Variants in CSMD3 observed in about 807,000 individuals in gnomAD.
CSMD3 encodes CUB and Sushi multiple domains 3, also known as CUB and sushi domain-containing protein 3.
Under a neutral mutation model 435.2 loss-of-function variants are expected in CSMD3, and 177 were observed. The observed-to-expected ratio is 0.41, with a 90% CI of 0.36 to 0.46. The LOEUF (loss-of-function observed/expected upper bound fraction) is 0.46, where lower values mean the gene tolerates loss of function less well. CSMD3 is among the 20% of genes least tolerant of loss of function. The pLI is 0.34. For missense variants in CSMD3, 4,265 were observed against 4,504.6 expected (o/e 0.95, Z 1.52); for synonymous variants, 1,656 against 1,520.5 (o/e 1.09, Z -2.07).
At chr8:112,948,774 A>G (rs1050231477) in intron 8 of CSMD3, among the ~76,000 whole-genome samples, 1 of 151,966 alleles carries the variant, frequency 6.6e-6, no homozygotes, top group Non-Finnish European at 1.5e-5. Flanking sequence ...AAACCATCCA[A>G]TGCTTGTTGT....
chr8:112,909,632 T>C (rs554964999), intron 10 of CSMD3, among the ~76,000 whole-genome samples: 1 of 151,804 alleles, frequency 6.6e-6, no homozygotes, highest in Non-Finnish European at 1.5e-5. Context: ...GCTGCAAACC[T>C]ACATTTGTCG....
intron 13 of CSMD3, among the ~76,000 whole-genome samples, chr8:112,737,385 T>A (rs762244198): frequency 2.6e-5 from 4 of 151,956 alleles, no homozygotes; most frequent in Admixed American, 6.6e-5. Flanking sequence ...TTTGTTAAAA[T>A]CACTAAGACT....
intron 39 of CSMD3, among the ~76,000 whole-genome samples, chr8:112,351,563 T>A: frequency 6.6e-6 from 1 of 152,002 alleles, no homozygotes; most frequent in East Asian, 1.9e-4. Context: ...GAAAGGGCAG[T>A]ATACATGGTG....
chr8:112,333,110 G>A (rs565446420), intron 45 of CSMD3, among the ~76,000 whole-genome samples: 45 of 152,100 alleles, frequency 3.0e-4, no homozygotes, highest in Non-Finnish European at 5.7e-4. Context: ...CTTGTCCAAG[G>A]TCAAATAGAA....
rs187398194 is a variant in CSMD3, at chr8:112,659,178, C to T, written c.2817-2837G>A. On this transcript the variant is annotated intron_variant, in intron 17 of 70. Transcript: ENST00000297405. ...GTGATATAAAGAACATTGTTCAGTA[C>T]CAGTGAATCTTTAAAAAGAAAATCA... Among the ~76,000 whole-genome samples the T allele has an allele frequency of 3.3e-5, 5 of 151,728 alleles. No homozygotes were observed. In the East Asian group the frequency reaches 9.7e-4, roughly 29 times the overall value.
At chr8:112,487,719 C>G (rs533746774) in intron 31 of CSMD3, among the ~76,000 whole-genome samples, 1 of 152,142 alleles carries the variant, frequency 6.6e-6, no homozygotes, top group Non-Finnish European at 1.5e-5. Flanking sequence ...TAAGGTTAGA[C>G]CTGCGCCATT....
intron 13 of CSMD3, among the ~76,000 whole-genome samples, chr8:112,788,318 T>C (rs1452029621): frequency 6.6e-6 from 1 of 152,062 alleles, no homozygotes; most frequent in African/African-American, 2.4e-5. Flanking sequence ...TGTTCTTTCC[T>C]GTCTTTCAGC....
rs2100702 is a variant in CSMD3, at chr8:112,922,140, T to C, written c.1509-389A>G. On this transcript the variant is annotated intron_variant, in intron 9 of 70. Coordinates refer to ENST00000297405, the MANE Select transcript of CSMD3 (RefSeq NM_198123.2). ...ACATGTGTATGCATTTACACATGCA[T>C]TTGTGTCTATAAACATGCATTTAAT... is the stretch of plus-strand genomic sequence containing the variant. 8.7e-3 allele frequency among the ~76,000 whole-genome samples: 1,327 copies of C among 152,188 alleles called. 24 individuals carry two copies. Among genetic ancestry groups the C allele is most frequent in the African/African-American group, 0.03 (1,265 of 41,542 alleles).
At chr8:113,033,016 T>C (rs2131249937) in intron 5 of CSMD3, among the ~76,000 whole-genome samples, 2 of 151,710 alleles carry the variant, frequency 1.3e-5, no homozygotes, top group South Asian at 4.2e-4. Context: ...CCTGCAGGTA[T>C]GTGGAAGACA....
chr8:112,925,624 A>T (rs946143508), intron 9 of CSMD3, among the ~76,000 whole-genome samples: 2 of 152,178 alleles, frequency 1.3e-5, no homozygotes, highest in Non-Finnish European at 2.9e-5. Context: ...CAATTGCTAC[A>T]ATGATTTAGG....
At chr8:113,226,870 AT>A (rs1373142139) in intron 3 of CSMD3, among the ~76,000 whole-genome samples, 1 of 151,580 alleles carries the variant, frequency 6.6e-6, no homozygotes, top group Non-Finnish European at 1.5e-5. Flanking sequence ...TATAATAAAG[AT>A]AAAATTTGAT....
intron 3 of CSMD3, among the ~76,000 whole-genome samples, chr8:113,266,041 C>T (rs1298950753): frequency 1.3e-5 from 2 of 151,286 alleles, no homozygotes; most frequent in African/African-American, 4.8e-5. Context: ...AATTTTATAA[C>T]ATAATCTTAT....
intron 1 of CSMD3, among the ~76,000 whole-genome samples, chr8:113,354,075 T>C (rs2094206418): frequency 6.6e-6 from 1 of 152,302 alleles, no homozygotes; most frequent in South Asian, 2.1e-4. Flanking sequence ...CTTAGGTGAA[T>C]CACCTCTTTA....
chr8:112,419,166 T>C (rs1812216458), intron 32 of CSMD3, among the ~76,000 whole-genome samples: 1 of 152,158 alleles, frequency 6.6e-6, no homozygotes. Flanking sequence ...TCCAGGCACT[T>C]ATGGTTATTA....
intron 30 of CSMD3, 54 bp downstream of exon 30, chr8:112,503,736 T>C: frequency 7.6e-7 from 1 of 1,314,876 alleles, no homozygotes; most frequent in South Asian, 1.2e-5. Flanking sequence ...TATTCTCCTG[T>C]ATAAAATATC....
intron 10 of CSMD3, among the ~76,000 whole-genome samples, chr8:112,913,464 G>A (rs886839711): frequency 2.6e-5 from 4 of 151,824 alleles, no homozygotes; most frequent in African/African-American, 9.7e-5. Flanking sequence ...ACCACAACAG[G>A]TCTGTGCTGG....
At chr8:113,226,365 T>C (rs191986845) in intron 3 of CSMD3, among the ~76,000 whole-genome samples, 8 of 151,714 alleles carry the variant, frequency 5.3e-5, no homozygotes, top group Admixed American at 4.6e-4. Context: ...GGCTACAACA[T>C]GGTTTATACA....
chr8:112,739,260 T>G (rs1380692407), intron 13 of CSMD3, among the ~76,000 whole-genome samples: 2 of 151,742 alleles, frequency 1.3e-5, no homozygotes, highest in East Asian at 3.9e-4. Flanking sequence ...CCTTAATATC[T>G]TGTGTTTTCT....
Position 113,325,102 on chromosome 8 carries a change from G to A in CSMD3, c.179-10309C>T, listed in dbSNP as rs138616194. Among the ~76,000 whole-genome samples, 714 of 152,298 alleles carry A rather than the reference G, an allele frequency of 4.7e-3. 2 individuals carry two copies. The highest frequency in any genetic ancestry group is 7.0e-3 in the Non-Finnish European group (479 of 68,020). On this transcript the variant is annotated intron_variant, in intron 1 of 70. Transcript: ENST00000297405. Reference sequence around the variant, plus strand: ...CTTTTGATTTTACAAGCTCACAGATGGAAAGGACTTGCCTTGTGTCAGATG... The same window carrying A: ...CTTTTGATTTTACAAGCTCACAGATAGAAAGGACTTGCCTTGTGTCAGATG...
Sources: gnomAD v4.1 joint callset for allele counts (sites outside exome capture counted in the v4.1 genomes callset) on GRCh38, gnomAD v4.1.1 for gene constraint, MANE v1.5 for transcripts, NCBI Gene and HGNC (gene_info 2026-07-23, HGNC 2026-07-21) for gene names.